Variants in USP34 observed in about 807,000 individuals in gnomAD.
USP34 encodes ubiquitin specific peptidase 34, also known as ubiquitin carboxyl-terminal hydrolase 34.
Under a neutral mutation model 460.3 loss-of-function variants are expected in USP34, and 70 were observed. That is an observed-to-expected ratio of 0.15 (90% CI 0.13 to 0.19). USP34 has a LOEUF of 0.19. USP34 is among the 10% of genes least tolerant of loss of function. USP34 has a pLI of 1.00. For missense variants in USP34, 3,985 were observed against 4,236.2 expected (o/e 0.94, Z 1.65); for synonymous variants, 1,647 against 1,405.3 (o/e 1.17, Z -3.85).
At chr2:61,410,653 T>G (rs1281533400) in intron 2 of USP34, among the ~76,000 whole-genome samples, 2 of 152,100 alleles carry the variant, frequency 1.3e-5, no homozygotes, top group Non-Finnish European at 2.9e-5. Context: ...CAGCTTGATT[T>G]TACACATAAA....
intron 1 of USP34, among the ~76,000 whole-genome samples, chr2:61,454,038 T>C (rs1695360249): frequency 1.3e-5 from 2 of 152,154 alleles, no homozygotes; most frequent in African/African-American, 2.4e-5. Context: ...AGAAGACAGC[T>C]AGATTTATAT....
chr2:61,451,220 C>CAAAAAAAAAAAAAAAA lies in USP34; in HGVS notation c.43+19414_43+19429dup, dbSNP rs70963432. Among the ~76,000 whole-genome samples the CAAAAAAAAAAAAAAAA allele has an allele frequency of 9.7e-4, 49 of 50,776 alleles. 2 individuals are homozygous for CAAAAAAAAAAAAAAAA. Among genetic ancestry groups the CAAAAAAAAAAAAAAAA allele is most frequent in the African/African-American group, 1.1e-3 (11 of 9,926 alleles). 33.3% of individuals were successfully genotyped at this position (50,776 alleles called of 152,430 possible). On this transcript the variant is annotated intron_variant, in intron 1 of 79. Transcript: ENST00000398571. ...CAGGTGACAGTGTGAGGCTTCATCT[C>CAAAAAAAAAAAAAAAA]AAAAAAAAAAAAAAAAAAAAAAAAA...
intron 1 of USP34, among the ~76,000 whole-genome samples, chr2:61,454,859 GTTT>G (rs36058836): frequency 2.4e-5 from 2 of 84,660 alleles, no homozygotes; most frequent in Admixed American, 1.2e-4. Context: ...ATATAGTGGG[GTTT>G]TTTTTTTCTT....
At chr2:61,240,180 C>T (rs1341449679) in intron 53 of USP34, among the ~76,000 whole-genome samples, 1 of 152,070 alleles carries the variant, frequency 6.6e-6, no homozygotes, top group African/African-American at 2.4e-5. Context: ...TTCCTAACAC[C>T]AAACCAAAAC....
intron 16 of USP34, among the ~76,000 whole-genome samples, chr2:61,342,496 G>C (rs1422150735): frequency 6.6e-6 from 1 of 151,072 alleles, no homozygotes; most frequent in Non-Finnish European, 1.5e-5. Flanking sequence ...ATTTTTAGTA[G>C]GGATGGGGTT....
At chr2:61,235,113 A>G (rs1347359786) in intron 57 of USP34, among the ~76,000 whole-genome samples, 1 of 152,200 alleles carries the variant, frequency 6.6e-6, no homozygotes, top group Admixed American at 6.5e-5. Context: ...GCACATACAC[A>G]TAACTACATG....
chr2:61,211,637 T>C (rs1178428435), intron 69 of USP34, 135 bp downstream of exon 69: 2 of 982,142 alleles, frequency 2.0e-6, no homozygotes, highest in Non-Finnish European at 2.8e-6. Context: ...AAGTAGTTCA[T>C]GAACCTTCAA....
chr2:61,211,784 G>C lies in USP34; in HGVS notation c.8828C>G (p.Thr2943Ser). 1 of 1,584,842 alleles carries C rather than the reference G, an allele frequency of 6.3e-7. No homozygotes were observed. Among genetic ancestry groups the C allele is most frequent in the Non-Finnish European group, 8.5e-7 (1 of 1,171,108 alleles). Reference protein sequence around the residue: ...LRCLDGRSCWTTLISAFRILL... With the variant: ...LRCLDGRSCWSTLISAFRILL... Reference sequence around the variant, plus strand: ...AACATCTTTTTACCTTATTAAAGTAGTCCAGCAGGAGCGGCCATCTAAGCA... The same window carrying C: ...AACATCTTTTTACCTTATTAAAGTACTCCAGCAGGAGCGGCCATCTAAGCA... The change falls in exon 69 of 80, where the codon ACT becomes AGT. Residue 2943 changes from threonine to serine, a missense_variant. This residue lies in a region of USP34 where 275 missense variants were observed against 292.7 expected (regional missense o/e 0.94). Coordinates refer to ENST00000398571, the MANE Select transcript of USP34 (RefSeq NM_014709.4).
chr2:61,244,363 C>T (rs906831441), intron 51 of USP34, among the ~76,000 whole-genome samples: 1 of 152,124 alleles, frequency 6.6e-6, no homozygotes, highest in Non-Finnish European at 1.5e-5. Context: ...CGTCTGTGAT[C>T]CCAGCACTTC....
intron 1 of USP34, among the ~76,000 whole-genome samples, chr2:61,431,619 G>T (rs942675243): frequency 2.6e-5 from 4 of 152,164 alleles, no homozygotes; most frequent in Non-Finnish European, 5.9e-5. Context: ...ACTCTGGGAG[G>T]CCAAGTGGGT....
chr2:61,283,348 A>T, intron 36 of USP34, 61 bp downstream of exon 36: 2 of 1,567,946 alleles, frequency 1.3e-6, no homozygotes, highest in Non-Finnish European at 1.7e-6. Flanking sequence ...TTAAAGGTAA[A>T]ATATATCAAT....
rs1572840949 is a variant in USP34, at chr2:61,214,099, G to A, written c.8643C>T (p.Ala2881=). The change falls in exon 68 of 80, where the codon GCC becomes GCT. Residue 2881 remains alanine, a synonymous_variant. Coordinates refer to ENST00000398571, the MANE Select transcript of USP34 (RefSeq NM_014709.4). ...TGGCATGTGGTGTAAGATTCTTAAAGGCCCACTGGATGTTCTGGTGAGAAG... is the reference window on the plus strand; with the variant it reads ...TGGCATGTGGTGTAAGATTCTTAAAAGCCCACTGGATGTTCTGGTGAGAAG... ...QLASHQNIQW[A]FKNLTPHASQ... is the part of the protein sequence containing the mutation. 6.2e-7 allele frequency: 1 copy of A among 1,614,214 alleles called. No individual in the cohort carries two copies. The highest frequency in any genetic ancestry group is 8.5e-7 in the Non-Finnish European group (1 of 1,180,038).
intron 1 of USP34, among the ~76,000 whole-genome samples, chr2:61,430,912 G>A (rs1467026047): frequency 1.3e-5 from 2 of 152,116 alleles, no homozygotes; most frequent in South Asian, 2.1e-4. Context: ...GCTGAGAAGA[G>A]AGGATCACTT....
chr2:61,274,457 A>C (rs1405986231), intron 41 of USP34, among the ~76,000 whole-genome samples: 13 of 150,910 alleles, frequency 8.6e-5, no homozygotes, highest in East Asian at 5.9e-4. Context: ...AAAAAAAAAA[A>C]CTTGCAATTC....
rs778294763 is a variant in USP34 at position 61,280,268 on chromosome 2, G to A, written c.5232C>T (p.Asn1744=). 6.4e-7 allele frequency: 1 copy of A among 1,558,858 alleles called. No homozygotes were observed. Among genetic ancestry groups the A allele is most frequent in the Admixed American group, 1.9e-5 (1 of 53,230 alleles). ...YFWLLCKLVD[N]IHIKDASQTT... is the part of the protein sequence containing the mutation. ...CCTGACTAGCGTCCTTTATATGTAT[G>A]TTGTCAACTAATTTGCATAACAACC... Residue 1744 remains asparagine, a synonymous_variant, in exon 39 of 80, where the codon AAC becomes AAT. Coordinates refer to ENST00000398571, the MANE Select transcript of USP34 (RefSeq NM_014709.4).
rs192958688 is a variant in USP34, at chr2:61,405,303, T to C, written c.552+405A>G. ...AGGAAATACTATTATTTGAAACTAC[T>C]AATCACAGATAATTTGCTAAGCTTT... is the stretch of plus-strand genomic sequence containing the variant. On this transcript the variant is annotated intron_variant, in intron 3 of 79. Transcript: ENST00000398571. 6.0e-5 allele frequency among the ~76,000 whole-genome samples: 9 copies of C among 150,872 alleles called. No individual in the cohort carries two copies. The East Asian group carries it at 1.8e-3, about 30-fold the overall frequency.
At chr2:61,381,434 G>T (rs968329978) in intron 6 of USP34, among the ~76,000 whole-genome samples, 3 of 152,032 alleles carry the variant, frequency 2.0e-5, no homozygotes, top group African/African-American at 7.2e-5. Context: ...GACCTCCTGG[G>T]CTCAAGTGAT....
At chr2:61,272,705 T>C (rs1376843927) in intron 41 of USP34, among the ~76,000 whole-genome samples, 7 of 152,178 alleles carry the variant, frequency 4.6e-5, no homozygotes, top group African/African-American at 1.7e-4. Flanking sequence ...TTCTAAAGTT[T>C]TCCCTTAACA....
chr2:61,187,932 T>G lies in USP34; in HGVS notation c.*170A>C. The G allele has an allele frequency of 5.6e-6, 8 of 1,432,022 alleles. No individual in the cohort carries two copies. The highest frequency in any genetic ancestry group is 7.3e-6 in the Non-Finnish European group (8 of 1,091,000). The allele number at this position is 1,432,022 out of a possible 1,614,324, so 88.7% of individuals were successfully genotyped here. ...AGGAAGTATACTGAAGATGCAAGTT[T>G]TTTTCATCTGGAGTTCTGCCTGACC... On this transcript the variant is annotated 3_prime_UTR_variant, in exon 80 of 80. Transcript: ENST00000398571.
Sources: gnomAD v4.1 joint callset for allele counts (sites outside exome capture counted in the v4.1 genomes callset) on GRCh38, gnomAD v4.1.1 for gene constraint, gnomAD v4.1.1 regional missense constraint, MANE v1.5 for transcripts, NCBI Gene and HGNC (gene_info 2026-07-23, HGNC 2026-07-21) for gene names.